Variants in SAMMSON observed in about 807,000 individuals in gnomAD.
The protein encoded by SAMMSON is long intergenic non-protein coding RNA 1212.
At chr3:70,161,490 T>A (rs2067615135) in intron 4 of SAMMSON, among the ~76,000 whole-genome samples, 1 of 152,078 alleles carries the variant, frequency 6.6e-6, no homozygotes, top group South Asian at 2.1e-4. Flanking sequence ...GTTTTAGCTC[T>A]TAAACTATCT....
At chr3:70,126,848 TGG>T (rs1272356803) in intron 4 of SAMMSON, 1 of 160,520 alleles carries the variant, frequency 6.2e-6, no homozygotes, top group East Asian at 1.9e-4. Flanking sequence ...CCCAAGTAGC[TGG>T]GATTACAAGC....
At chr3:70,054,642 C>T (rs2067160513) in intron 3 of SAMMSON, among the ~76,000 whole-genome samples, 1 of 152,094 alleles carries the variant, frequency 6.6e-6, no homozygotes, top group African/African-American at 2.4e-5. Flanking sequence ...GAGTTTCTAT[C>T]ATCCAAAATT....
chr3:70,027,547 G>A (rs548751259), intron 3 of SAMMSON, among the ~76,000 whole-genome samples: 1 of 152,300 alleles, frequency 6.6e-6, no homozygotes, highest in Admixed American at 6.5e-5. Context: ...TTAATGTCAT[G>A]AAGAATCATT....
At chr3:70,148,907 A>G (rs1031704487) in intron 4 of SAMMSON, among the ~76,000 whole-genome samples, 7 of 152,076 alleles carry the variant, frequency 4.6e-5, no homozygotes, top group African/African-American at 1.7e-4. Flanking sequence ...TGGATTTCTG[A>G]GATTATGCCA....
At chr3:70,300,229 G>A (rs1223634240) in intron 7 of SAMMSON, among the ~76,000 whole-genome samples, 2 of 152,096 alleles carry the variant, frequency 1.3e-5, no homozygotes, top group African/African-American at 4.8e-5. Context: ...AAACAAGCCA[G>A]AAACGCCCTT....
intron 9 of SAMMSON, among the ~76,000 whole-genome samples, chr3:70,384,301 C>A (rs1399214778): frequency 6.6e-6 from 1 of 151,814 alleles, no homozygotes; most frequent in African/African-American, 2.4e-5. Context: ...AAGGTGACCA[C>A]TGCACATTTT....
chr3:70,095,003 T>C (rs1373034197), intron 4 of SAMMSON: 1 of 152,300 alleles, frequency 6.6e-6, no homozygotes, highest in Non-Finnish European at 1.5e-5. Context: ...AAAGATTTTC[T>C]AATTTGCAAT....
At chr3:70,242,026 A>G (rs1046338123) in intron 4 of SAMMSON, among the ~76,000 whole-genome samples, 7 of 152,182 alleles carry the variant, frequency 4.6e-5, no homozygotes, top group African/African-American at 1.4e-4. Context: ...GCAACGGCTG[A>G]CTACACTATC....
chr3:70,390,141 A>G (rs1347607494), downstream of SAMMSON, among the ~76,000 whole-genome samples: 3 of 152,166 alleles, frequency 2.0e-5, no homozygotes, highest in Non-Finnish European at 4.4e-5. Flanking sequence ...AATCCTTACC[A>G]CATAATATCT....
chr3:70,247,542 A>C (rs960444201), intron 4 of SAMMSON, among the ~76,000 whole-genome samples: 2 of 151,826 alleles, frequency 1.3e-5, no homozygotes, highest in Non-Finnish European at 2.9e-5. Flanking sequence ...TTTCTATATT[A>C]TACCAATTTT....
At chr3:70,020,470 T>A (rs13080062) in intron 3 of SAMMSON, among the ~76,000 whole-genome samples, 8,939 of 152,230 alleles carry the variant, frequency 0.059, 379 homozygotes, top group South Asian at 0.14. Context: ...GACTGTGGCA[T>A]CTGTGGTAGT....
Position 70,185,060 on chromosome 3 carries a change from A to G in SAMMSON, n.508-64047A>G, listed in dbSNP as rs1490969148. 5.3e-5 allele frequency among the ~76,000 whole-genome samples: 8 copies of G among 152,304 alleles called. No individual in the cohort carries two copies. In the East Asian group the frequency reaches 1.5e-3, roughly 29 times the overall value. ...CTTGCAGAGAAACTTACTGTATTGT[A>G]TCCCAAATAGAAACACTGAGCCCCT... On this transcript the variant is annotated intron_variant and non_coding_transcript_variant, in intron 4 of 9. Coordinates refer to ENST00000642114, the Ensembl canonical transcript of SAMMSON.
chr3:70,280,584 A>G (rs960965790), intron 6 of SAMMSON, among the ~76,000 whole-genome samples: 1 of 152,124 alleles, frequency 6.6e-6, no homozygotes, highest in African/African-American at 2.4e-5. Flanking sequence ...CCTAAAATGA[A>G]GGTCTCAGAA....
intron 4 of SAMMSON, among the ~76,000 whole-genome samples, chr3:70,090,861 G>A (rs1456068040): frequency 6.6e-6 from 1 of 151,516 alleles, no homozygotes; most frequent in Non-Finnish European, 1.5e-5. Context: ...AAAGCTGCCT[G>A]AATCTTAGGC....
intron 7 of SAMMSON, among the ~76,000 whole-genome samples, chr3:70,324,153 C>T (rs142959951): frequency 6.7e-6 from 1 of 148,548 alleles, no homozygotes; most frequent in Non-Finnish European, 1.5e-5. Context: ...CTTTACATCT[C>T]TCTATCTATC....
intron 7 of SAMMSON, among the ~76,000 whole-genome samples, chr3:70,339,881 T>C: frequency 6.6e-6 from 1 of 152,186 alleles, no homozygotes; most frequent in African/African-American, 2.4e-5. Flanking sequence ...AAATACCATT[T>C]GACCCAGCCA....
chr3:70,401,891 A>C (rs1349655371), intron 2 of SAMMSON, among the ~76,000 whole-genome samples: 12 of 152,196 alleles, frequency 7.9e-5, no homozygotes, highest in Non-Finnish European at 2.9e-5. Flanking sequence ...GTTCTTCTTT[A>C]TACTGAAGTT....
chr3:70,157,483 T>C (rs1171675952), intron 4 of SAMMSON, among the ~76,000 whole-genome samples: 3 of 151,998 alleles, frequency 2.0e-5, no homozygotes, highest in African/African-American at 7.2e-5. Flanking sequence ...TTGCAAGAGT[T>C]TAGGAGAGAA....
chr3:70,005,359 ATGGGG>A (rs999491909), intron 1 of SAMMSON, among the ~76,000 whole-genome samples: 2 of 137,358 alleles, frequency 1.5e-5, no homozygotes, highest in African/African-American at 5.3e-5. Context: ...TCTGTTCCAT[ATGGGG>A]TGGGCTGGGC....
Sources: allele counts gnomAD v4.1 joint callset (sites outside exome capture counted in the v4.1 genomes callset), GRCh38; gene constraint gnomAD v4.1.1; transcripts MANE v1.5; gene names NCBI Gene and HGNC (gene_info 2026-07-23, HGNC 2026-07-21).